CFAP61: variants seen among roughly 807,000 people sequenced by gnomAD.
CFAP61 encodes the protein cilia and flagella associated protein 61, also known as cilia- and flagella-associated protein 61.
In CFAP61, 107 loss-of-function variants were observed where a neutral mutation model predicts 135.6. The observed-to-expected ratio is 0.79, with a 90% CI of 0.67 to 0.93. The LOEUF is 0.93. CFAP61 is among the 40% of genes least tolerant of loss of function. The pLI is 0.00. For missense variants in CFAP61, 1,507 were observed against 1,556.2 expected, an observed-to-expected ratio of 0.97 and a Z score of 0.53; for synonymous variants, 575 against 578.5, an observed-to-expected ratio of 0.99 and a Z score of 0.09.
intron 22 of CFAP61, among the ~76,000 whole-genome samples, chr20:20,279,143 C>G (rs1023744666): frequency 2.0e-5 from 3 of 152,108 alleles, no homozygotes; most frequent in East Asian, 3.9e-4. Flanking sequence ...CCCAAACATC[C>G]CATTGGATAG....
chr20:20,269,634 A>AG (rs1179582550), intron 21 of CFAP61, among the ~76,000 whole-genome samples: 1 of 152,148 alleles, frequency 6.6e-6, no homozygotes, highest in East Asian at 1.9e-4. Flanking sequence ...CGCCTCCCGA[A>AG]GTGCTGGGAT....
chr20:20,164,011 A>G, intron 10 of CFAP61, 39 bp from the exon 11 acceptor site: 1 of 1,544,364 alleles, frequency 6.5e-7, no homozygotes, highest in Non-Finnish European at 8.8e-7. Context: ...CAGGGCATTG[A>G]CAGGATTCTC....
intron 17 of CFAP61, among the ~76,000 whole-genome samples, chr20:20,201,856 C>T (rs2056637295): frequency 6.6e-6 from 1 of 152,230 alleles, no homozygotes; most frequent in Admixed American, 6.5e-5. Context: ...CACCTTCAGC[C>T]AGCCCTCTGG....
In CFAP61 at chr20:20,269,214, C is replaced by CACAT. The variant is rs1187501323; in HGVS notation, c.2503+6085_2503+6086insCATA. On this transcript the variant is annotated intron_variant, in intron 21 of 26. Coordinates refer to ENST00000245957, the MANE Select transcript of CFAP61 (RefSeq NM_015585.4). Reference sequence around the variant, plus strand: ...ATATATACATATATGTATATATACACATATATACATATATGTATATATATA... The same window carrying CACAT: ...ATATATACATATATGTATATATACACACATATATATACATATATGTATATATATA... 4.5e-4 allele frequency among the ~76,000 whole-genome samples: 62 copies of CACAT among 137,838 alleles called. 2 individuals are homozygous for CACAT. The highest frequency in any genetic ancestry group is 2.0e-3 in the South Asian group (9 of 4,396). The allele number at this position is 137,838 out of a possible 152,430, so 90.4% of individuals were successfully genotyped here.
intron 17 of CFAP61, among the ~76,000 whole-genome samples, chr20:20,213,070 A>G (rs118005969): frequency 0.011 from 1,603 of 152,250 alleles, 14 homozygotes; most frequent in Non-Finnish European, 0.016. Flanking sequence ...CCCTGACTCC[A>G]TAGAACACAG....
chr20:20,091,961 C>T (rs920566390), intron 7 of CFAP61, among the ~76,000 whole-genome samples: 4 of 152,200 alleles, frequency 2.6e-5, no homozygotes, highest in Non-Finnish European at 5.9e-5. Context: ...GGATTACAGG[C>T]GTGAGCCACC....
chr20:20,107,548 T>C (rs946261536), intron 8 of CFAP61: 1 of 152,162 alleles, frequency 6.6e-6, no homozygotes, highest in Non-Finnish European at 1.5e-5. Flanking sequence ...CATACAGTAG[T>C]GGAGATATAT....
chr20:20,095,136 A>T (rs941304299), intron 7 of CFAP61, among the ~76,000 whole-genome samples: 1 of 151,698 alleles, frequency 6.6e-6, no homozygotes. Context: ...GTTTTTTTTT[A>T]AATGTCTGGG....
chr20:20,322,222 G>A (rs2057552414), intron 25 of CFAP61, among the ~76,000 whole-genome samples: 1 of 152,200 alleles, frequency 6.6e-6, no homozygotes. Context: ...TCATGGAGCA[G>A]AGCCAAGTGA....
intron 25 of CFAP61, among the ~76,000 whole-genome samples, chr20:20,308,477 G>A (rs1295276463): frequency 3.3e-5 from 5 of 151,912 alleles, no homozygotes; most frequent in African/African-American, 1.2e-4. Flanking sequence ...GTGGGGGAAG[G>A]GGCGGAGCAG....
At chr20:20,263,559 T>C (rs1480003284) in intron 21 of CFAP61, among the ~76,000 whole-genome samples, 1 of 152,162 alleles carries the variant, frequency 6.6e-6, no homozygotes, top group Non-Finnish European at 1.5e-5. Context: ...CATTGTTCTC[T>C]TTCTTGGTGT....
intron 7 of CFAP61, among the ~76,000 whole-genome samples, chr20:20,095,170 A>G (rs1305887610): frequency 1.3e-5 from 2 of 152,208 alleles, no homozygotes; most frequent in African/African-American, 4.8e-5. Flanking sequence ...GATATAAGAA[A>G]TAATGGCTAG....
At chr20:20,307,391 A>T (rs2056539842) in intron 25 of CFAP61, among the ~76,000 whole-genome samples, 1 of 152,236 alleles carries the variant, frequency 6.6e-6, no homozygotes. Flanking sequence ...GTTGATGGAC[A>T]GTAAAGTACA....
intron 25 of CFAP61, among the ~76,000 whole-genome samples, chr20:20,308,668 A>G (rs971459909): frequency 2.6e-5 from 4 of 152,144 alleles, no homozygotes; most frequent in Admixed American, 6.5e-5. Flanking sequence ...TTACTAACAT[A>G]CTGTCTTGTT....
At chr20:20,066,821 A>AAAAAT (rs77936023) in intron 2 of CFAP61, among the ~76,000 whole-genome samples, 1 of 152,090 alleles carries the variant, frequency 6.6e-6, no homozygotes, top group Non-Finnish European at 1.5e-5. Flanking sequence ...AAGTGTAATA[A>AAAAAT]AAAATAAAAT....
At chr20:20,249,569 T>C (rs1259067127) in intron 19 of CFAP61, among the ~76,000 whole-genome samples, 1 of 152,124 alleles carries the variant, frequency 6.6e-6, no homozygotes, top group East Asian at 1.9e-4. Flanking sequence ...TGTAGTAACA[T>C]ATTGTAACAG....
chr20:20,286,486 G>T (rs988341607), intron 22 of CFAP61, among the ~76,000 whole-genome samples: 4 of 152,362 alleles, frequency 2.6e-5, no homozygotes, highest in Non-Finnish European at 5.9e-5. Context: ...AAGTTTATCA[G>T]ACTACTGACT....
At chr20:20,113,195 A>G (rs2048916335) in intron 8 of CFAP61, among the ~76,000 whole-genome samples, 1 of 152,146 alleles carries the variant, frequency 6.6e-6, no homozygotes, top group Middle Eastern at 3.2e-3. Flanking sequence ...ATGATATTCA[A>G]ATCTTCCATA....
At chr20:20,285,815 G>C (rs1024054462) in intron 22 of CFAP61, among the ~76,000 whole-genome samples, 3 of 151,722 alleles carry the variant, frequency 2.0e-5, no homozygotes, top group African/African-American at 4.8e-5. Flanking sequence ...AGCTACATGG[G>C]GGGGCTGAGG....
Sources: allele counts gnomAD v4.1 joint callset (sites outside exome capture counted in the v4.1 genomes callset), GRCh38; gene constraint gnomAD v4.1.1; transcripts MANE v1.5; gene names NCBI Gene and HGNC (gene_info 2026-07-23, HGNC 2026-07-21).